Variants in CYP4F22 observed in about 807,000 individuals in gnomAD.
CYP4F22 encodes the protein cytochrome P450 family 4 subfamily F member 22.
A neutral mutation model predicts 60.4 loss-of-function variants in CYP4F22; 37 were observed. The ratio of observed to expected loss-of-function variants is 0.61; its 90% CI spans 0.47 to 0.81. The LOEUF (loss-of-function observed/expected upper bound fraction) is 0.81. Among genes scored for constraint, CYP4F22 ranks in the 30% least tolerant of loss-of-function variants. The pLI is 0.00. For missense variants in CYP4F22, 655 were observed against 715.0 expected (o/e 0.92, Z 0.96); for synonymous variants, 258 against 280.5 (o/e 0.92, Z 0.80).
rs180919238 is a variant in CYP4F22 at position 15,537,306 on chromosome 19, A to C, written c.368-55A>C. On this transcript the variant is annotated intron_variant, in intron 4 of 13. Transcript: ENST00000269703. ...ACAGAGCAAGACTCCGTAAAAAAAA[A>C]CAAAAAACCAAAAAACTCTGTTTTG... 125 of 1,611,074 alleles carry C rather than the reference A, an allele frequency of 7.8e-5. 2 individuals are homozygous for C. The African/African-American group carries it at 1.0e-3, about 13-fold the overall frequency.
At chr19:15,525,802 G>A (rs1971276742) in intron 3 of CYP4F22, among the ~76,000 whole-genome samples, 1 of 152,136 alleles carries the variant, frequency 6.6e-6, no homozygotes, top group Non-Finnish European at 1.5e-5. Flanking sequence ...TGAGGTGAGA[G>A]GATTGCTTGA....
chr19:15,511,647 G>A (rs1971093532), intron 1 of CYP4F22, among the ~76,000 whole-genome samples: 1 of 152,180 alleles, frequency 6.6e-6, no homozygotes, highest in South Asian at 2.1e-4. Context: ...TTGACTACAG[G>A]CTTGGAGTGA....
chr19:15,516,801 G>T (rs1382704978), intron 1 of CYP4F22: 2 of 540,392 alleles, frequency 3.7e-6, no homozygotes, highest in Non-Finnish European at 5.9e-6. Context: ...CTCATGAGAG[G>T]TCCATGGGGT....
chr19:15,537,429 G>C lies in CYP4F22; in HGVS notation c.421+15G>C. ...ACCTTGGCTAGGTGAGTGCCCAGTG[G>C]GTAGGCTGGGGCTGGGGCTTTAGAG... On this transcript the variant is annotated intron_variant, in intron 5 of 13. Coordinates refer to ENST00000269703, the MANE Select transcript of CYP4F22 (RefSeq NM_173483.4). The C allele has an allele frequency of 1.9e-6, 3 of 1,614,198 alleles. No homozygotes were observed. The highest frequency in any genetic ancestry group is 2.5e-6 in the Non-Finnish European group (3 of 1,180,028).
At position 15,551,590 on chromosome 19, in the gene CYP4F22, G is replaced by A. The variant is rs550013680; in HGVS notation, c.*119G>A. 43 of 1,271,762 alleles carry A rather than the reference G, an allele frequency of 3.4e-5. No individual in the cohort carries two copies. The highest frequency in any genetic ancestry group is 4.4e-5 in the Non-Finnish European group (41 of 929,506). 78.8% of individuals were successfully genotyped at this position (1,271,762 alleles called of 1,614,324 possible). A position where few individuals can be genotyped will look rare whatever the true frequency, so the allele number is the denominator to read the frequency against. ...CCTCGAAGTTCAGGTTCAGCTCCTG[G>A]ATGACCAGGCACCGCTGTTGAGCAG... On this transcript the variant is annotated 3_prime_UTR_variant, in exon 14 of 14. Coordinates refer to ENST00000269703, the MANE Select transcript of CYP4F22 (RefSeq NM_173483.4).
rs972975916 is a variant in CYP4F22, at chr19:15,540,723, G to A, written c.939+6G>A. On this transcript the variant is annotated splice_donor_region_variant and intron_variant, in intron 8 of 13. Transcript: ENST00000269703. ...ATGTGCTGCTCCTGGCCAGGGTGAG[G>A]CTGGGCCCCCTGGAATTGCTGGCCT... The A allele has an allele frequency of 4.6e-6, 4 of 869,712 alleles. No homozygotes were observed. The East Asian group carries it at 1.3e-4, about 28-fold the overall frequency. 53.9% of individuals were successfully genotyped at this position (869,712 alleles called of 1,614,324 possible).
rs781760435 is a variant in CYP4F22, at chr19:15,540,725, TG to T, written c.939+11del. 3 of 762,350 alleles carry T rather than the reference TG, an allele frequency of 3.9e-6. No individual in the cohort carries two copies. The highest frequency in any genetic ancestry group is 5.4e-6 in the Non-Finnish European group (3 of 554,850). 47.2% of individuals were successfully genotyped at this position (762,350 alleles called of 1,614,324 possible). On this transcript the variant is annotated intron_variant, in intron 8 of 13. Coordinates refer to ENST00000269703, the MANE Select transcript of CYP4F22 (RefSeq NM_173483.4). ...GTGCTGCTCCTGGCCAGGGTGAGGCTGGGCCCCCTGGAATTGCTGGCCTCCC... is the reference window on the plus strand; with the variant it reads ...GTGCTGCTCCTGGCCAGGGTGAGGCTGGCCCCCTGGAATTGCTGGCCTCCC...
intron 8 of CYP4F22, among the ~76,000 whole-genome samples, chr19:15,543,664 C>T (rs551847024): frequency 3.9e-5 from 6 of 152,106 alleles, no homozygotes; most frequent in Middle Eastern, 3.4e-3. Flanking sequence ...CGAGACCGGC[C>T]TGGCCAATAT....
At chr19:15,544,430 T>G in intron 10 of CYP4F22, 151 bp downstream of exon 10, 3 of 907,064 alleles carry the variant, frequency 3.3e-6, no homozygotes, top group Non-Finnish European at 3.4e-6. Context: ...ATGGGGGTGG[T>G]TATAGTGCCT....
intron 4 of CYP4F22, among the ~76,000 whole-genome samples, chr19:15,536,504 G>T (rs1055189781): frequency 6.6e-6 from 1 of 152,152 alleles, no homozygotes; most frequent in African/African-American, 2.4e-5. Flanking sequence ...AAGGGGCGTG[G>T]TCAGATCTGA....
Position 15,551,397 on chromosome 19 carries a change from C to T in CYP4F22, c.1522C>T (p.Arg508Trp), listed in dbSNP as rs757780967. 6.2e-7 allele frequency: 1 copy of T among 1,605,418 alleles called. No homozygotes were observed. Among genetic ancestry groups the T allele is most frequent in the South Asian group, 1.1e-5 (1 of 89,556 alleles). Residue 508 changes from arginine to tryptophan, a missense_variant, in exon 14 of 14, where the codon CGG becomes TGG. Coordinates refer to ENST00000269703, the MANE Select transcript of CYP4F22 (RefSeq NM_173483.4). Reference sequence around the variant, plus strand: ...CGTGGACCGAACGCGCAAGGTGCGGCGGAAGCCGGAGCTCATACTGCGCAC... The same window carrying T: ...CGTGGACCGAACGCGCAAGGTGCGGTGGAAGCCGGAGCTCATACTGCGCAC... ...LSVDRTRKVR[R>W]KPELILRTEN...
At chr19:15,526,624 G>A (rs773294392) in intron 3 of CYP4F22, among the ~76,000 whole-genome samples, 45 of 152,148 alleles carry the variant, frequency 3.0e-4, no homozygotes, top group Non-Finnish European at 4.1e-4. Context: ...CACACAGCTT[G>A]TAAGTGGCAG....
rs528131388 is a variant in CYP4F22, at chr19:15,541,543, G to C, written c.939+826G>C. On this transcript the variant is annotated intron_variant, in intron 8 of 13. Coordinates refer to ENST00000269703, the MANE Select transcript of CYP4F22 (RefSeq NM_173483.4). ...ACTTATGAATTCTAGCGGAGGGGGGGTGGGCAGGGAACCATTCAGCTCATC... is the reference window on the plus strand; with the variant it reads ...ACTTATGAATTCTAGCGGAGGGGGGCTGGGCAGGGAACCATTCAGCTCATC... Among the ~76,000 whole-genome samples, 10 of 151,684 alleles carry C rather than the reference G, an allele frequency of 6.6e-5. No homozygotes were observed. In the South Asian group the frequency reaches 1.5e-3, roughly 22 times the overall value.
Position 15,551,432 on chromosome 19 carries a change from G to T in CYP4F22, c.1557G>T (p.Gly519=). ...KPELILRTEN[G]LWLKVEPLPP... ...AGCTCATACTGCGCACGGAGAACGG[G>T]CTCTGGCTCAAGGTGGAGCCGCTGC... Residue 519 remains glycine, a synonymous_variant, in exon 14 of 14, where the codon GGG becomes GGT. Transcript: ENST00000269703. 1.9e-6 allele frequency: 3 copies of T among 1,584,424 alleles called. No homozygotes were observed. Among genetic ancestry groups the T allele is most frequent in the Non-Finnish European group, 2.6e-6 (3 of 1,165,882 alleles).
intron 1 of CYP4F22, among the ~76,000 whole-genome samples, chr19:15,519,357 C>G (rs751254621): frequency 6.6e-6 from 1 of 151,694 alleles, no homozygotes; most frequent in Non-Finnish European, 1.5e-5. Flanking sequence ...CTGCCTCCCA[C>G]GCTCAAGCGA....
chr19:15,533,867 C>A (rs1194387830), intron 4 of CYP4F22, among the ~76,000 whole-genome samples: 1 of 151,522 alleles, frequency 6.6e-6, no homozygotes, highest in Non-Finnish European at 1.5e-5. Context: ...TTTTGTTTAC[C>A]CATTCACCTT....
At position 15,548,372 on chromosome 19, in the gene CYP4F22, T is replaced by C. The variant is rs74685386; in HGVS notation, c.1270+131T>C. ...CAGATGGGATAGCTCTCTGTGTGCC[T>C]GTTGCTTCTGGGGTGTTGGAGAAAA... On this transcript the variant is annotated intron_variant, in intron 11 of 13. Coordinates refer to ENST00000269703, the MANE Select transcript of CYP4F22 (RefSeq NM_173483.4). 4,680 of 1,400,194 alleles carry C rather than the reference T, an allele frequency of 3.3e-3. 169 individuals are homozygous for C. In the East Asian group the frequency reaches 0.081, roughly 24 times the overall value. 86.7% of individuals were successfully genotyped at this position (1,400,194 alleles called of 1,614,324 possible).
chr19:15,527,816 A>T (rs1455505854), intron 3 of CYP4F22, among the ~76,000 whole-genome samples: 1 of 152,182 alleles, frequency 6.6e-6, no homozygotes, highest in Non-Finnish European at 1.5e-5. Flanking sequence ...TCTAATTCTC[A>T]TAGCCTGTGA....
chr19:15,516,209 G>A (rs193150790), intron 1 of CYP4F22: 3 of 152,234 alleles, frequency 2.0e-5, no homozygotes, highest in East Asian at 1.9e-4. Flanking sequence ...TACATTCTAC[G>A]TCCTTGTACT....
Sources: gnomAD v4.1 joint callset for allele counts (sites outside exome capture counted in the v4.1 genomes callset) on GRCh38, gnomAD v4.1.1 for gene constraint, MANE v1.5 for transcripts, NCBI Gene and HGNC (gene_info 2026-07-23, HGNC 2026-07-21) for gene names.